TRAPPC9: variants seen among roughly 807,000 people sequenced by gnomAD.
The protein encoded by TRAPPC9 is trafficking protein particle complex subunit 9.
Under a neutral mutation model 124.0 loss-of-function variants are expected in TRAPPC9, and 83 were observed. The observed-to-expected ratio is 0.67, with a 90% CI of 0.56 to 0.80. TRAPPC9 has a LOEUF of 0.80. TRAPPC9 is among the 30% of genes least tolerant of loss of function. The pLI is 0.00. For synonymous variants in TRAPPC9, 638 were observed against 617.5 expected (o/e 1.03, Z -0.49); for missense variants, 1,302 against 1,508.3 (o/e 0.86, Z 2.27).
At chr8:140,344,282 T>C (rs2067274071) in intron 9 of TRAPPC9, among the ~76,000 whole-genome samples, 2 of 152,288 alleles carry the variant, frequency 1.3e-5, no homozygotes, top group South Asian at 4.1e-4. Flanking sequence ...AAATGTCCCT[T>C]ATTTATAAGC....
chr8:139,762,534 A>C (rs967157010), intron 21 of TRAPPC9, among the ~76,000 whole-genome samples: 6 of 152,226 alleles, frequency 3.9e-5, no homozygotes, highest in Non-Finnish European at 8.8e-5. Flanking sequence ...TGAACGCTGT[A>C]GACAACGGCA....
At chr8:139,756,786 G>A (rs933979141) in intron 21 of TRAPPC9, among the ~76,000 whole-genome samples, 3 of 134,866 alleles carry the variant, frequency 2.2e-5, no homozygotes, top group East Asian at 4.9e-4. Context: ...CCAGGGTTTG[G>A]GGATGAGGAC....
At position 139,901,002 on chromosome 8, in the gene TRAPPC9, A is replaced by AAT. The variant is rs1554668200; in HGVS notation, c.2964+9144_2964+9145insAT. Among the ~76,000 whole-genome samples, 5 of 124,504 alleles carry AAT rather than the reference A, an allele frequency of 4.0e-5. No homozygotes were observed. The Admixed American group carries it at 4.0e-4, about 10-fold the overall frequency. 81.7% of individuals were successfully genotyped at this position (124,504 alleles called of 152,430 possible). A position where few individuals can be genotyped will look rare whatever the true frequency, so the allele number is the denominator to read the frequency against. ...TAAATAAATAAATAAATAAATAAAT[A>AAT]AAATAAATAAATAAATAAAAATAAA... On this transcript the variant is annotated intron_variant, in intron 20 of 22. Coordinates refer to ENST00000438773, the MANE Select transcript of TRAPPC9 (RefSeq NM_001160372.4).
At chr8:140,137,446 A>T (rs1330667272) in intron 17 of TRAPPC9, among the ~76,000 whole-genome samples, 1 of 151,464 alleles carries the variant, frequency 6.6e-6, no homozygotes, top group Non-Finnish European at 1.5e-5. Context: ...AGTCCAGATC[A>T]CTCTGGAGCG....
chr8:140,111,541 G>A (rs1043599940), intron 17 of TRAPPC9, among the ~76,000 whole-genome samples: 4 of 152,208 alleles, frequency 2.6e-5, no homozygotes, highest in Non-Finnish European at 5.9e-5. Flanking sequence ...GGCACTCAGC[G>A]ACAGCTGCAC....
intron 17 of TRAPPC9, among the ~76,000 whole-genome samples, chr8:140,129,262 C>T (rs1355737105): frequency 1.3e-5 from 2 of 152,084 alleles, no homozygotes; most frequent in South Asian, 2.1e-4. Flanking sequence ...GAGGCTGGCT[C>T]GGGTGTGTCT....
intron 10 of TRAPPC9, among the ~76,000 whole-genome samples, chr8:140,308,144 C>T (rs761224200): frequency 2.6e-5 from 4 of 151,902 alleles, no homozygotes; most frequent in Admixed American, 1.3e-4. Context: ...AAAGCCTCAA[C>T]GAAGGAACAA....
chr8:140,074,030 C>T (rs929077954), intron 17 of TRAPPC9, among the ~76,000 whole-genome samples: 4 of 152,190 alleles, frequency 2.6e-5, no homozygotes, highest in African/African-American at 7.2e-5. Context: ...CAAGGACCCC[C>T]ATGTCGCCTT....
At chr8:139,747,689 T>C (rs1449168856) in intron 21 of TRAPPC9, among the ~76,000 whole-genome samples, 13 of 9,850 alleles carry the variant, frequency 1.3e-3, no homozygotes, top group African/African-American at 5.2e-3. Context: ...GGGGTCAGAG[T>C]GGGTGTGGGG....
At chr8:139,957,663 T>C (rs1835089056) in intron 19 of TRAPPC9, among the ~76,000 whole-genome samples, 1 of 152,192 alleles carries the variant, frequency 6.6e-6, no homozygotes, top group Non-Finnish European at 1.5e-5. Context: ...TCACATTCCC[T>C]GGCCCAGAAG....
chr8:139,853,034 C>T (rs939663126), intron 21 of TRAPPC9, among the ~76,000 whole-genome samples: 5 of 152,176 alleles, frequency 3.3e-5, no homozygotes, highest in African/African-American at 1.2e-4. Context: ...TCTTCTTTCC[C>T]GTGAGTCTAG....
intron 17 of TRAPPC9, among the ~76,000 whole-genome samples, chr8:140,196,929 AACAC>A (rs1337409512): frequency 5.3e-5 from 8 of 152,352 alleles, no homozygotes; most frequent in African/African-American, 1.2e-4. Context: ...GTGACATGAA[AACAC>A]ACACAACGAT....
intron 9 of TRAPPC9, among the ~76,000 whole-genome samples, chr8:140,317,836 C>T (rs2066481122): frequency 6.6e-6 from 1 of 151,984 alleles, no homozygotes; most frequent in African/African-American, 2.4e-5. Context: ...ATTTTTTATC[C>T]AAAATAGGCA....
chr8:139,953,272 A>C (rs1349859453), intron 19 of TRAPPC9, among the ~76,000 whole-genome samples: 1 of 152,224 alleles, frequency 6.6e-6, no homozygotes, highest in East Asian at 1.9e-4. Flanking sequence ...CAGGTGGATC[A>C]CTTGAGGTCA....
At chr8:140,370,768 C>G (rs182753842) in intron 8 of TRAPPC9, among the ~76,000 whole-genome samples, 196 bp downstream of exon 8, 13 of 152,318 alleles carry the variant, frequency 8.5e-5, no homozygotes, top group African/African-American at 3.1e-4. Flanking sequence ...TTCAAGAATC[C>G]GAGCCCCAAG....
chr8:139,943,544 C>T lies in TRAPPC9; in HGVS notation c.2811-33244G>A, dbSNP rs1019871564. Among the ~76,000 whole-genome samples, 6 of 152,110 alleles carry T rather than the reference C, an allele frequency of 3.9e-5. No individual in the cohort carries two copies. In the East Asian group the frequency reaches 1.2e-3, roughly 29 times the overall value. On this transcript the variant is annotated intron_variant, in intron 19 of 22. Coordinates refer to ENST00000438773, the MANE Select transcript of TRAPPC9 (RefSeq NM_001160372.4). Reference sequence around the variant, plus strand: ...AAGAAGAACCAAGAAACTGACCCATCCTTAAGAGAAAAGACACTCAATAAA... The same window carrying T: ...AAGAAGAACCAAGAAACTGACCCATTCTTAAGAGAAAAGACACTCAATAAA...
At chr8:140,286,306 G>A (rs2131730310) in intron 13 of TRAPPC9, among the ~76,000 whole-genome samples, 1 of 152,346 alleles carries the variant, frequency 6.6e-6, no homozygotes. Flanking sequence ...GGGCTCCAGA[G>A]CAACACTTAA....
chr8:140,164,170 A>G (rs933162638), intron 17 of TRAPPC9, among the ~76,000 whole-genome samples: 3 of 152,154 alleles, frequency 2.0e-5, no homozygotes, highest in Non-Finnish European at 4.4e-5. Flanking sequence ...CGAGAGCCAC[A>G]CCTCATCTTT....
chr8:139,945,884 GA>G (rs1834182751), intron 19 of TRAPPC9, among the ~76,000 whole-genome samples: 1 of 152,178 alleles, frequency 6.6e-6, no homozygotes, highest in African/African-American at 2.4e-5. Flanking sequence ...CTAACAGATG[GA>G]TAAAAAGGTG....
Sources: allele counts gnomAD v4.1 joint callset (sites outside exome capture counted in the v4.1 genomes callset), GRCh38; gene constraint gnomAD v4.1.1; transcripts MANE v1.5; gene names NCBI Gene and HGNC (gene_info 2026-07-23, HGNC 2026-07-21).